Variants in PARD3 observed in about 807,000 individuals in gnomAD.
PARD3 encodes par-3 family cell polarity regulator, also known as partitioning defective 3 homolog.
PARD3 carries 75 observed loss-of-function variants against 155.4 expected under a neutral mutation model. The ratio of observed to expected loss-of-function variants is 0.48; its 90% confidence interval spans 0.40 to 0.58. The LOEUF (loss-of-function observed/expected upper bound fraction) is 0.58, where lower values mean the gene tolerates loss of function less well. PARD3 is among the 20% of genes least tolerant of loss of function. PARD3 has a pLI of 0.00. For missense variants in PARD3, 1,642 were observed against 1,721.7 expected, an observed-to-expected ratio of 0.95 and a Z score of 0.82; for synonymous variants, 576 against 610.5, an observed-to-expected ratio of 0.94 and a Z score of 0.83.
intron 1 of PARD3, among the ~76,000 whole-genome samples, chr10:34,809,342 AC>A (rs979122033): frequency 8.5e-5 from 13 of 152,118 alleles, no homozygotes; most frequent in Admixed American, 6.6e-4. Flanking sequence ...CAAGCATTTC[AC>A]CCGGAGGGAG....
intron 22 of PARD3, among the ~76,000 whole-genome samples, chr10:34,155,680 G>GTT (rs1357851781): frequency 1.3e-5 from 2 of 149,204 alleles, no homozygotes; most frequent in South Asian, 2.1e-4. Flanking sequence ...GTGTGTGTGT[G>GTT]TGTGTGTGTG....
At chr10:34,737,508 T>A (rs139815362) in intron 1 of PARD3, among the ~76,000 whole-genome samples, 3 of 152,230 alleles carry the variant, frequency 2.0e-5, no homozygotes, top group African/African-American at 7.2e-5. Context: ...AGCATTCTAT[T>A]TGGGGGAGGC....
chr10:34,735,676 T>C (rs1265942444), intron 1 of PARD3, among the ~76,000 whole-genome samples: 1 of 152,302 alleles, frequency 6.6e-6, no homozygotes, highest in East Asian at 1.9e-4. Context: ...CAATGATTTA[T>C]CTGAAAAGAT....
At chr10:34,698,157 T>A (rs1007265285) in intron 1 of PARD3, among the ~76,000 whole-genome samples, 3 of 152,054 alleles carry the variant, frequency 2.0e-5, no homozygotes, top group African/African-American at 7.2e-5. Context: ...CACACCAACC[T>A]CCAAAATGTG....
chr10:34,516,500 G>C (rs1236569824), intron 3 of PARD3, among the ~76,000 whole-genome samples: 1 of 152,122 alleles, frequency 6.6e-6, no homozygotes, highest in African/African-American at 2.4e-5. Context: ...CCTTCCCTAA[G>C]GAGGTATTCT....
At chr10:34,261,781 AAAAGAAAGAAAGAAAG>A (rs1158080569) in intron 22 of PARD3, among the ~76,000 whole-genome samples, 52,468 of 131,970 alleles carry the variant, frequency 0.4, 11,464 homozygotes, top group Middle Eastern at 0.54. Flanking sequence ...AGAAAGAAAG[AAAAGAAAGAAAGAAAG>A]AAAGAAAGAA....
At position 34,418,110 on chromosome 10, in the gene PARD3, G is replaced by C. The variant is rs75871226; in HGVS notation, c.715-16193C>G. Among the ~76,000 whole-genome samples the C allele has an allele frequency of 7.9e-3, 1,198 of 152,206 alleles. 9 individuals are homozygous for C. The highest frequency in any genetic ancestry group is 0.027 in the African/African-American group (1,134 of 41,550). On this transcript the variant is annotated intron_variant, in intron 5 of 24. Coordinates refer to ENST00000374788, the MANE Select transcript of PARD3 (RefSeq NM_001184785.2). The stretch of plus-strand genomic sequence containing the variant: ...TCGAAATTTAAAAAGTAAATTTTAA[G>C]TGTCTATCATTTAACTTTTCAAGAC...
At chr10:34,251,341 C>T (rs930403901) in intron 22 of PARD3, among the ~76,000 whole-genome samples, 6 of 152,138 alleles carry the variant, frequency 3.9e-5, no homozygotes, top group Admixed American at 3.9e-4. Flanking sequence ...ACAAAGACGA[C>T]GGTGATGGTA....
At chr10:34,162,840 G>A (rs1949350424) in intron 22 of PARD3, among the ~76,000 whole-genome samples, 1 of 152,098 alleles carries the variant, frequency 6.6e-6, no homozygotes, top group South Asian at 2.1e-4. Flanking sequence ...GAACCAGCCT[G>A]GCCACACACT....
chr10:34,384,396 T>A, intron 7 of PARD3, 142 bp from the exon 8 acceptor site: 1 of 812,402 alleles, frequency 1.2e-6, no homozygotes, highest in Non-Finnish European at 1.9e-6. Flanking sequence ...CATTTTTAAA[T>A]GACAGACAAA....
At chr10:34,300,312 G>A (rs1392914081) in intron 20 of PARD3, among the ~76,000 whole-genome samples, 1 of 152,196 alleles carries the variant, frequency 6.6e-6, no homozygotes, top group Admixed American at 6.5e-5. Context: ...TCCTGATTAT[G>A]TGTTATAATG....
intron 22 of PARD3, among the ~76,000 whole-genome samples, chr10:34,206,722 G>C (rs1412631513): frequency 6.6e-6 from 1 of 152,164 alleles, no homozygotes; most frequent in Non-Finnish European, 1.5e-5. Context: ...TCTAGAAAAA[G>C]GGTGGTAACT....
Position 34,411,936 on chromosome 10 carries a change from G to C in PARD3, c.715-10019C>G, listed in dbSNP as rs201366279. ...AAGCTAGTCGTGTGTGTGTGTGTGT[G>C]TGTGTGTGTGTGTGTGTGTGTGTGT... On this transcript the variant is annotated intron_variant, in intron 5 of 24. Coordinates refer to ENST00000374788, the MANE Select transcript of PARD3 (RefSeq NM_001184785.2). 2.0e-4 allele frequency among the ~76,000 whole-genome samples: 30 copies of C among 150,150 alleles called. 1 individual carries two copies. The East Asian group carries it at 5.1e-3, about 25-fold the overall frequency.
chr10:34,240,863 C>T (rs1314825437), intron 22 of PARD3, among the ~76,000 whole-genome samples: 1 of 152,080 alleles, frequency 6.6e-6, no homozygotes, highest in Non-Finnish European at 1.5e-5. Context: ...CAGACAGAAA[C>T]TGCCTGAGCG....
intron 2 of PARD3, among the ~76,000 whole-genome samples, chr10:34,569,705 C>T (rs1349383106): frequency 6.6e-6 from 1 of 152,084 alleles, no homozygotes; most frequent in Non-Finnish European, 1.5e-5. Context: ...GCGTGAGCCA[C>T]CGTGCCCGGC....
chr10:34,697,486 G>A (rs115548732), intron 1 of PARD3, among the ~76,000 whole-genome samples: 9 of 152,036 alleles, frequency 5.9e-5, no homozygotes, highest in East Asian at 1.9e-4. Context: ...GCAGGGGTGC[G>A]GGGAGAATCC....
At chr10:34,809,479 G>A (rs1341792185) in intron 1 of PARD3, among the ~76,000 whole-genome samples, 2 of 152,224 alleles carry the variant, frequency 1.3e-5, no homozygotes, top group Admixed American at 6.5e-5. Flanking sequence ...CTAGCAGCTT[G>A]GGATGGAGAG....
chr10:34,744,694 T>C (rs574451797), intron 1 of PARD3, among the ~76,000 whole-genome samples: 1 of 152,294 alleles, frequency 6.6e-6, no homozygotes, highest in East Asian at 1.9e-4. Flanking sequence ...GACACAAAAT[T>C]TAAGGGAGGA....
In PARD3 at chr10:34,345,459, T is replaced by C. The variant is rs561885979; in HGVS notation, c.2218+2506A>G. The C allele has an allele frequency of 2.6e-5, 26 of 984,930 alleles. No homozygotes were observed. The African/African-American group carries it at 3.7e-4, about 14-fold the overall frequency. The allele number at this position is 984,930 out of a possible 1,614,324, so 61.0% of individuals were successfully genotyped here. On this transcript the variant is annotated intron_variant, in intron 15 of 24. Transcript: ENST00000374788. Reference sequence around the variant, plus strand: ...TCAATACAAAGTTCCTTTTGTATCATAGCAGATCATGAAGTAAATACCTCA... The same window carrying C: ...TCAATACAAAGTTCCTTTTGTATCACAGCAGATCATGAAGTAAATACCTCA...
Sources: gnomAD v4.1 joint callset for allele counts (sites outside exome capture counted in the v4.1 genomes callset) on GRCh38, gnomAD v4.1.1 for gene constraint, MANE v1.5 for transcripts, NCBI Gene and HGNC (gene_info 2026-07-23, HGNC 2026-07-21) for gene names.